COX16: variants seen among roughly 807,000 people sequenced by gnomAD.
The protein encoded by COX16 is cytochrome c oxidase assembly protein COX16 homolog, mitochondrial.
A neutral mutation model predicts 15.4 loss-of-function variants in COX16; 12 were observed. That is an observed-to-expected ratio of 0.78 (90% CI 0.50 to 1.26). The LOEUF is 1.26. COX16 is among the 50% of genes most tolerant of loss of function. The pLI is 0.00. For synonymous variants in COX16, 46 were observed against 41.1 expected (o/e 1.12, Z -0.46); for missense variants, 124 against 127.6 (o/e 0.97, Z 0.14).
chr14:70,358,223 G>A (rs1887189317), intron 1 of COX16, among the ~76,000 whole-genome samples: 1 of 152,070 alleles, frequency 6.6e-6, no homozygotes, highest in Non-Finnish European at 1.5e-5. Context: ...TAAGAGGCAG[G>A]AAGAAATGGG....
At chr14:70,342,177 G>T (rs1195557939) in intron 2 of COX16, among the ~76,000 whole-genome samples, 1 of 152,194 alleles carries the variant, frequency 6.6e-6, no homozygotes, top group East Asian at 1.9e-4. Flanking sequence ...GGGCACAGTG[G>T]CTCACACCTG....
At chr14:70,353,927 G>A (rs2140755412) in intron 1 of COX16, among the ~76,000 whole-genome samples, 1 of 152,118 alleles carries the variant, frequency 6.6e-6, no homozygotes, top group African/African-American at 2.4e-5. Context: ...ACAAAACCTT[G>A]AGGTTATGAA....
intron 2 of COX16, among the ~76,000 whole-genome samples, chr14:70,329,564 C>T (rs1348144357): frequency 6.6e-6 from 1 of 151,916 alleles, no homozygotes; most frequent in Non-Finnish European, 1.5e-5. Flanking sequence ...GTCAAAGAAG[C>T]AGAGCTTGGC....
chr14:70,329,239 G>A lies in COX16; in HGVS notation c.142-3C>T. On this transcript the variant is annotated splice_polypyrimidine_tract_variant and splice_region_variant and intron_variant, in intron 2 of 3. Transcript: ENST00000389912. ...TTTTTTTCAAGCTCAGGATCCATCT[G>A]TAGAAAAGGAAAAAAAGTAATAAGT... The A allele has an allele frequency of 6.4e-7, 1 of 1,564,508 alleles. No homozygotes were observed. Among genetic ancestry groups the A allele is most frequent in the South Asian group, 1.1e-5 (1 of 87,002 alleles).
chr14:70,356,373 G>A (rs1056947934), intron 1 of COX16, among the ~76,000 whole-genome samples: 1 of 152,116 alleles, frequency 6.6e-6, no homozygotes, highest in African/African-American at 2.4e-5. Context: ...CTGACAGGAG[G>A]TGGAGCTCAG....
Position 70,325,526 on chromosome 14 carries a change from C to G in COX16, c.*807G>C, listed in dbSNP as rs1886038949. ...CCCGGGAAGCAGAGCTTGCAGTGAG[C>G]AGAGATCGTGCCCCTGCACTCCAGC... On this transcript the variant is annotated 3_prime_UTR_variant, in exon 4 of 4. Transcript: ENST00000389912. 6.6e-6 allele frequency: 1 copy of G among 152,290 alleles called. No individual in the cohort carries two copies. Among genetic ancestry groups the G allele is most frequent in the Non-Finnish European group, 1.5e-5 (1 of 68,124 alleles). 9.4% of individuals were successfully genotyped at this position (152,290 alleles called of 1,614,324 possible). A position where few individuals can be genotyped will look rare whatever the true frequency, so the allele number is the denominator to read the frequency against.
Position 70,345,380 on chromosome 14 carries a change from G to C in COX16, c.70-2651C>G, listed in dbSNP as rs139373061. ...TTCCAGGAACGAAAAAGGCAGCGGT[G>C]ACAGTTGCTCCTTTTATCATCTCCC... On this transcript the variant is annotated intron_variant, in intron 1 of 3. Transcript: ENST00000389912. Among the ~76,000 whole-genome samples, 15 of 152,330 alleles carry C rather than the reference G, an allele frequency of 9.8e-5. 1 individual carries two copies. In the East Asian group the frequency reaches 2.9e-3, roughly 29 times the overall value.
chr14:70,332,263 A>G (rs574700353), intron 2 of COX16, among the ~76,000 whole-genome samples: 15 of 152,334 alleles, frequency 9.8e-5, no homozygotes, highest in Middle Eastern at 6.8e-3. Flanking sequence ...TGTTTACACA[A>G]GGACCCAAAG....
chr14:70,349,868 G>A (rs926796504), intron 1 of COX16, among the ~76,000 whole-genome samples: 21 of 152,038 alleles, frequency 1.4e-4, no homozygotes, highest in African/African-American at 5.1e-4. Flanking sequence ...TGTCCACACC[G>A]CCTTGTCCTC....
In COX16 at chr14:70,332,160, C is replaced by T. The variant is rs191841303; in HGVS notation, c.142-2924G>A. Reference sequence around the variant, plus strand: ...ACATGCTAGTGACTTAACAGAAAGGCTTGTCTGCCTGATGATATTGGTCTT... The same window carrying T: ...ACATGCTAGTGACTTAACAGAAAGGTTTGTCTGCCTGATGATATTGGTCTT... On this transcript the variant is annotated intron_variant, in intron 2 of 3. Transcript: ENST00000389912. 1.8e-4 allele frequency among the ~76,000 whole-genome samples: 27 copies of T among 152,354 alleles called. No individual in the cohort carries two copies. The East Asian group carries it at 4.4e-3, about 25-fold the overall frequency.
chr14:70,326,651 G>A (rs551453383), intron 3 of COX16, among the ~76,000 whole-genome samples: 1 of 152,032 alleles, frequency 6.6e-6, no homozygotes, highest in South Asian at 2.1e-4. Context: ...TGATGTTAAT[G>A]CCTATCTTAC....
At chr14:70,359,365 A>G (rs1887229148) in intron 1 of COX16, 154 bp downstream of exon 1, 14 of 707,360 alleles carry the variant, frequency 2.0e-5, no homozygotes, top group Middle Eastern at 2.3e-4. Context: ...GACTGGTGGA[A>G]GAGCTTTTAG....
intron 2 of COX16, among the ~76,000 whole-genome samples, 171 bp from the exon 3 acceptor site, chr14:70,329,407 G>GTAGTA (rs549845793): frequency 2.4e-3 from 358 of 151,960 alleles, no homozygotes; most frequent in African/African-American, 8.1e-3. Flanking sequence ...ACTACTGCCA[G>GTAGTA]CATTATTCAA....
intron 1 of COX16, among the ~76,000 whole-genome samples, chr14:70,345,309 C>G (rs971076037): frequency 6.6e-6 from 1 of 152,252 alleles, no homozygotes; most frequent in Non-Finnish European, 1.5e-5. Context: ...CAGGCACTCG[C>G]TGATCATCTG....
At chr14:70,328,397 A>C (rs1426159179) in intron 3 of COX16, among the ~76,000 whole-genome samples, 1 of 152,190 alleles carries the variant, frequency 6.6e-6, no homozygotes. Flanking sequence ...ACTACCTTTC[A>C]ATACAAAATG....
At chr14:70,326,676 A>G (rs530785261) in intron 3 of COX16, among the ~76,000 whole-genome samples, 39 of 152,334 alleles carry the variant, frequency 2.6e-4, no homozygotes, top group Middle Eastern at 3.4e-3. Context: ...CCTTAACCGT[A>G]AAACTATTAA....
At chr14:70,345,248 T>TTTCTC (rs1886743067) in intron 1 of COX16, among the ~76,000 whole-genome samples, 1 of 152,256 alleles carries the variant, frequency 6.6e-6, no homozygotes, top group South Asian at 2.1e-4. Flanking sequence ...CCTCTCTTAG[T>TTTCTC]TTCTCTGGTC....
chr14:70,342,575 C>T, intron 2 of COX16, 83 bp downstream of exon 2: 3 of 1,362,740 alleles, frequency 2.2e-6, no homozygotes, highest in Non-Finnish European at 3.0e-6. Flanking sequence ...ACTCAGACTA[C>T]TTAGTATACT....
intron 2 of COX16, among the ~76,000 whole-genome samples, chr14:70,330,122 CAAA>C (rs1186426201): frequency 2.6e-5 from 4 of 151,814 alleles, no homozygotes; most frequent in Admixed American, 1.3e-4. Flanking sequence ...CACAACAAAA[CAAA>C]AACATTTTTA....
Sources: allele counts gnomAD v4.1 joint callset (sites outside exome capture counted in the v4.1 genomes callset), GRCh38; gene constraint gnomAD v4.1.1; transcripts MANE v1.5; gene names NCBI Gene and HGNC (gene_info 2026-07-23, HGNC 2026-07-21).